SPATA22: variants seen among roughly 807,000 people sequenced by gnomAD.
SPATA22 encodes spermatogenesis associated 22.
Under a neutral mutation model 47.8 loss-of-function variants are expected in SPATA22, and 29 were observed. The observed-to-expected ratio is 0.61, with a 90% CI of 0.45 to 0.83. The LOEUF (loss-of-function observed/expected upper bound fraction) is 0.83. Among genes scored for constraint, SPATA22 ranks in the 40% least tolerant of loss-of-function variants. The pLI, the probability that SPATA22 is intolerant of heterozygous loss-of-function variation, is 0.00. For missense variants in SPATA22, 410 were observed against 421.7 expected, an observed-to-expected ratio of 0.97 and a Z score of 0.24; for synonymous variants, 133 against 140.9, an observed-to-expected ratio of 0.94 and a Z score of 0.40.
chr17:3,464,924 G>T (rs181666606), intron 3 of SPATA22, among the ~76,000 whole-genome samples: 1 of 83,872 alleles, frequency 1.2e-5, no homozygotes, highest in African/African-American at 3.5e-5. Flanking sequence ...CCAGCCGCCC[G>T]GTCTGGGAGG....
intron 1 of SPATA22, chr17:3,512,362 T>A (rs925250910): frequency 1.3e-5 from 2 of 152,110 alleles, no homozygotes; most frequent in South Asian, 2.1e-4. Context: ...ATCGGCCCCA[T>A]CAGGGGCACA....
intron 3 of SPATA22, 81 bp downstream of exon 3, chr17:3,467,345 T>A: frequency 1.7e-6 from 2 of 1,151,290 alleles, no homozygotes; most frequent in Non-Finnish European, 2.4e-6. Flanking sequence ...AACTTTCTAT[T>A]TTCATTATAA....
rs754753639 is a variant in SPATA22, at chr17:3,442,279, T to A, written c.900+895A>T. ...TGTATATTCATGTTTCATCATTTAA[T>A]CCCCTTAACAACCTTTCGAAGTAGG... On this transcript the variant is annotated intron_variant, in intron 8 of 8. Transcript: ENST00000572969. Among the ~76,000 whole-genome samples, 89 of 152,154 alleles carry A rather than the reference T, an allele frequency of 5.8e-4. 1 individual carries two copies. The highest frequency in any genetic ancestry group is 8.7e-4 in the Non-Finnish European group (59 of 67,920).
upstream of SPATA22, chr17:3,476,128 T>C (rs2150741595): frequency 1.3e-6 from 2 of 1,583,028 alleles, no homozygotes; most frequent in Non-Finnish European, 1.7e-6. Flanking sequence ...CTCTTCTGAA[T>C]TGCAGAAATC....
chr17:3,495,637 C>T (rs1469266482), intron 1 of SPATA22, among the ~76,000 whole-genome samples: 1 of 152,206 alleles, frequency 6.6e-6, no homozygotes, highest in Non-Finnish European at 1.5e-5. Context: ...GGTGCAATCT[C>T]AGCTCACTGC....
At chr17:3,456,391 A>G (rs1221927270) in intron 5 of SPATA22, among the ~76,000 whole-genome samples, 2 of 147,016 alleles carry the variant, frequency 1.4e-5, no homozygotes, top group African/African-American at 2.5e-5. Flanking sequence ...ACAGAAATAC[A>G]AACTACCATC....
At chr17:3,508,906 A>T (rs1201845708) in intron 1 of SPATA22, among the ~76,000 whole-genome samples, 1 of 146,134 alleles carries the variant, frequency 6.8e-6, no homozygotes, top group Non-Finnish European at 1.5e-5. Context: ...ATAAAAAAAA[A>T]AAAAAAAAAA....
upstream of SPATA22, chr17:3,471,873 G>A (rs1356234954): frequency 6.1e-6 from 6 of 985,492 alleles, no homozygotes; most frequent in East Asian, 1.1e-4. Flanking sequence ...CCACCTCGGC[G>A]CGATGGCATC....
chr17:3,487,329 T>C (rs2073742160), intron 1 of SPATA22, among the ~76,000 whole-genome samples: 1 of 152,200 alleles, frequency 6.6e-6, no homozygotes, highest in Admixed American at 6.5e-5. Context: ...ATATAAAATA[T>C]TCCAAATAAA....
chr17:3,508,444 T>C (rs541548088), intron 1 of SPATA22, among the ~76,000 whole-genome samples: 14 of 151,606 alleles, frequency 9.2e-5, no homozygotes, highest in Admixed American at 3.3e-4. Context: ...TAAAGACACA[T>C]GCACACGTAT....
At chr17:3,481,548 T>C in intron 1 of SPATA22, 1 of 1,498,326 alleles carries the variant, frequency 6.7e-7, no homozygotes, top group Non-Finnish European at 9.2e-7. Context: ...TTATTATATG[T>C]TTATATTATC....
At chr17:3,510,564 G>A (rs565626961) in intron 1 of SPATA22, 11 of 152,278 alleles carry the variant, frequency 7.2e-5, no homozygotes, top group Admixed American at 3.3e-4. Context: ...GCACAAACAT[G>A]TTCTTACTCT....
At chr17:3,479,561 C>A (rs1394181493) in intron 1 of SPATA22, among the ~76,000 whole-genome samples, 1 of 152,108 alleles carries the variant, frequency 6.6e-6, no homozygotes, top group Non-Finnish European at 1.5e-5. Context: ...TTCTACCTTC[C>A]CACAGCACTG....
intron 3 of SPATA22, among the ~76,000 whole-genome samples, chr17:3,463,939 CCCTCTCCCTCTG>C (rs1378509384): frequency 6.3e-5 from 5 of 79,998 alleles, no homozygotes; most frequent in East Asian, 6.2e-4. Context: ...CTCTCCCTCT[CCCTCTCCCTCTG>C]CCTCTCCCTC....
chr17:3,474,339 C>T (rs182163588), upstream of SPATA22, among the ~76,000 whole-genome samples: 11 of 152,312 alleles, frequency 7.2e-5, no homozygotes, highest in East Asian at 1.3e-3. Context: ...GTGCCAGCTA[C>T]GAGTAAATAA....
chr17:3,461,649 G>T (rs192199792), intron 5 of SPATA22, among the ~76,000 whole-genome samples: 7 of 152,044 alleles, frequency 4.6e-5, no homozygotes, highest in African/African-American at 1.2e-4. Flanking sequence ...TTTAAATAAA[G>T]ATATTATTTC....
At chr17:3,505,397 A>AT (rs2074031541) in intron 1 of SPATA22, among the ~76,000 whole-genome samples, 1 of 152,268 alleles carries the variant, frequency 6.6e-6, no homozygotes, top group Non-Finnish European at 1.5e-5. Context: ...TGCTGGATAA[A>AT]TGAGAGTTGC....
exon 1 of SPATA22, chr17:3,513,830 C>T (rs1382949632): frequency 4.2e-6 from 5 of 1,182,514 alleles, no homozygotes; most frequent in East Asian, 4.7e-5. Context: ...CGGACTCCAC[C>T]ATCCCTCAAA....
At chr17:3,483,430 ACT>A in intron 1 of SPATA22, 1 of 1,325,302 alleles carries the variant, frequency 7.5e-7, no homozygotes. Flanking sequence ...GGTATTATTG[ACT>A]CTGTTGAAGC....
Sources: gnomAD v4.1 joint callset for allele counts (sites outside exome capture counted in the v4.1 genomes callset) on GRCh38, gnomAD v4.1.1 for gene constraint, MANE v1.5 for transcripts, NCBI Gene and HGNC (gene_info 2026-07-23, HGNC 2026-07-21) for gene names.